The following LAMA2 variants were observed in gnomAD, a reference collection of about 807,000 sequenced individuals.
The protein encoded by LAMA2 is laminin subunit alpha 2.
Under a neutral mutation model 364.8 loss-of-function variants are expected in LAMA2, and 269 were observed. That is an observed-to-expected ratio of 0.74 (90% CI 0.67 to 0.82). The LOEUF is 0.82. Among genes scored for constraint, LAMA2 ranks in the 40% least tolerant of loss-of-function variants. LAMA2 has a pLI of 0.00. For missense variants in LAMA2, 3,807 were observed against 3,873.2 expected (o/e 0.98, Z 0.45); for synonymous variants, 1,379 against 1,370.6 (o/e 1.01, Z -0.14).
intron 4 of LAMA2, among the ~76,000 whole-genome samples, chr6:129,104,846 A>C (rs1296083327): frequency 6.6e-6 from 1 of 152,182 alleles, no homozygotes; most frequent in African/African-American, 2.4e-5. Context: ...ACCAAGAAAG[A>C]GCTTAACCCT....
At chr6:129,515,196 A>G (rs998262282) in intron 64 of LAMA2, among the ~76,000 whole-genome samples, 1 of 152,224 alleles carries the variant, frequency 6.6e-6, no homozygotes, top group Non-Finnish European at 1.5e-5. Flanking sequence ...GTGCCTCTTA[A>G]TAAGTACTGT....
chr6:129,390,140 A>C (rs1479387966), intron 35 of LAMA2, among the ~76,000 whole-genome samples: 1 of 152,206 alleles, frequency 6.6e-6, no homozygotes, highest in Non-Finnish European at 1.5e-5. Flanking sequence ...ATTGAAACTC[A>C]ATTCTTTCTA....
At chr6:128,953,431 A>G (rs1780957014) in intron 1 of LAMA2, among the ~76,000 whole-genome samples, 1 of 152,114 alleles carries the variant, frequency 6.6e-6, no homozygotes, top group African/African-American at 2.4e-5. Flanking sequence ...TGTATAAAAT[A>G]TTACTATACC....
intron 12 of LAMA2, among the ~76,000 whole-genome samples, chr6:129,208,455 TAAAC>T (rs1196701532): frequency 2.2e-5 from 3 of 136,958 alleles, no homozygotes; most frequent in East Asian, 4.1e-4. Flanking sequence ...CCCTCACACA[TAAAC>T]AGACAGAAAG....
intron 44 of LAMA2, 115 bp from the exon 45 acceptor site, chr6:129,445,552 C>A: frequency 1.1e-6 from 1 of 884,030 alleles, no homozygotes; most frequent in Non-Finnish European, 1.8e-6. Context: ...CTGTTATGGC[C>A]ATGCTTTGTC....
chr6:129,328,195 T>G (rs1030107758), intron 28 of LAMA2, 83 bp from the exon 29 acceptor site: 28 of 1,240,574 alleles, frequency 2.3e-5, no homozygotes, highest in Non-Finnish European at 3.2e-5. Flanking sequence ...GGCCAGTCTG[T>G]CTTTGCAGCC....
intron 12 of LAMA2, among the ~76,000 whole-genome samples, chr6:129,198,448 AT>A (rs753664984): frequency 3.3e-5 from 5 of 152,148 alleles, no homozygotes; most frequent in Non-Finnish European, 5.9e-5. Context: ...CAAGGCATTG[AT>A]CTTTGGAATA....
chr6:129,340,830 CAAAAAAAA>C (rs34264921), intron 29 of LAMA2, among the ~76,000 whole-genome samples: 7 of 59,584 alleles, frequency 1.2e-4, no homozygotes, highest in African/African-American at 3.9e-4. Context: ...AGCTCTGTCT[CAAAAAAAA>C]AAAAAAAAAA....
chr6:129,247,237 G>A (rs1419473917), intron 12 of LAMA2, among the ~76,000 whole-genome samples: 1 of 152,082 alleles, frequency 6.6e-6, no homozygotes, highest in Non-Finnish European at 1.5e-5. Context: ...ATTGCTTGAG[G>A]TTAGGAGTTC....
At chr6:129,132,586 C>T (rs1194612458) in intron 4 of LAMA2, among the ~76,000 whole-genome samples, 1 of 152,162 alleles carries the variant, frequency 6.6e-6, no homozygotes, top group African/African-American at 2.4e-5. Flanking sequence ...CTTAGCATTT[C>T]CAGAAGCACC....
chr6:128,973,341 T>C (rs967045002), intron 1 of LAMA2, among the ~76,000 whole-genome samples: 2 of 152,208 alleles, frequency 1.3e-5, no homozygotes, highest in Admixed American at 1.3e-4. Context: ...AGGACACTGA[T>C]AATAAGAGAG....
At chr6:128,933,254 GTGTGTGTGTGTC>G (rs1292605375) in intron 1 of LAMA2, among the ~76,000 whole-genome samples, 1 of 151,456 alleles carries the variant, frequency 6.6e-6, no homozygotes, top group African/African-American at 2.4e-5. Flanking sequence ...GTGTGTGTGT[GTGTGTGTGTGTC>G]TGTGTGTCTG....
Position 129,379,283 on chromosome 6 carries a change from G to A in LAMA2, c.4960-3839G>A, listed in dbSNP as rs534463184. Among the ~76,000 whole-genome samples the A allele has an allele frequency of 3.9e-5, 6 of 151,974 alleles. No homozygotes were observed. In the South Asian group the frequency reaches 1.2e-3, roughly 32 times the overall value. On this transcript the variant is annotated intron_variant, in intron 34 of 64. Coordinates refer to ENST00000421865, the MANE Select transcript of LAMA2 (RefSeq NM_000426.4). ...TATGGGCACTGGGCTTAATACCTGG[G>A]TGATGAAATAATCTGTGCAACAAAC...
At chr6:129,487,802 C>A (rs17057448) in intron 56 of LAMA2, among the ~76,000 whole-genome samples, 2,534 of 152,146 alleles carry the variant, frequency 0.017, 79 homozygotes, top group African/African-American at 0.058. Flanking sequence ...ATGATCGAGA[C>A]AAATGAGGGA....
At chr6:129,210,024 A>AAAAAAAAAAAAAAAAAAAT (rs200129656) in intron 12 of LAMA2, among the ~76,000 whole-genome samples, 26 of 145,316 alleles carry the variant, frequency 1.8e-4, no homozygotes, top group East Asian at 1.6e-3. Flanking sequence ...AAAAAAAAAA[A>AAAAAAAAAAAAAAAAAAAT]ATTTTTACTA....
At chr6:129,154,426 T>C in intron 7 of LAMA2, 79 bp from the exon 8 acceptor site, 1 of 1,328,840 alleles carries the variant, frequency 7.5e-7, no homozygotes, top group Non-Finnish European at 1.1e-6. Context: ...AAAAAAAATC[T>C]ATTATGTATA....
intron 1 of LAMA2, among the ~76,000 whole-genome samples, chr6:128,893,328 A>G (rs1038739776): frequency 6.6e-6 from 1 of 151,844 alleles, no homozygotes; most frequent in Non-Finnish European, 1.5e-5. Flanking sequence ...TTGGTTATGA[A>G]GTTTTGCTCC....
chr6:128,890,339 T>G (rs915540468), intron 1 of LAMA2, among the ~76,000 whole-genome samples: 1 of 152,140 alleles, frequency 6.6e-6, no homozygotes, highest in African/African-American at 2.4e-5. Flanking sequence ...AATTAGAAAT[T>G]AAATTACGGT....
intron 58 of LAMA2, among the ~76,000 whole-genome samples, chr6:129,497,200 C>G (rs187927153): frequency 2.6e-5 from 4 of 152,118 alleles, no homozygotes; most frequent in Admixed American, 6.5e-5. Context: ...AATAAGTCCT[C>G]TATAATTTTC....
Sources: allele counts gnomAD v4.1 joint callset (sites outside exome capture counted in the v4.1 genomes callset), GRCh38; gene constraint gnomAD v4.1.1; transcripts MANE v1.5; gene names NCBI Gene and HGNC (gene_info 2026-07-23, HGNC 2026-07-21).